Variants in TRRAP observed in about 807,000 individuals in gnomAD.
TRRAP encodes transformation/transcription domain associated protein.
A neutral mutation model predicts 438.8 loss-of-function variants in TRRAP; 41 were observed. The ratio of observed to expected loss-of-function variants is 0.09; its 90% CI spans 0.07 to 0.12. The LOEUF (loss-of-function observed/expected upper bound fraction) is 0.12. TRRAP is among the 10% of genes least tolerant of loss of function. TRRAP has a pLI of 1.00. For missense variants in TRRAP, 3,122 were observed against 5,055.1 expected, an observed-to-expected ratio of 0.62 and a Z score of 11.60; for synonymous variants, 1,994 against 1,962.9, an observed-to-expected ratio of 1.02 and a Z score of -0.42.
Position 99,005,228 on chromosome 7 carries a change from A to T in TRRAP, c.10633A>T (p.Met3545Leu). 1 of 1,614,202 alleles carries T rather than the reference A, an allele frequency of 6.2e-7. No homozygotes were observed. Among genetic ancestry groups the T allele is most frequent in the Non-Finnish European group, 8.5e-7 (1 of 1,180,036 alleles). The change falls in exon 69 of 73, where the codon ATG (methionine) becomes TTG (leucine). Residue 3545 changes from methionine (M) to leucine (L), a missense_variant. This residue lies in a region of TRRAP where 95 missense variants were observed against 144.1 expected (regional missense o/e 0.66). Coordinates refer to ENST00000456197, the MANE Select transcript of TRRAP (RefSeq NM_001375524.1). This position sits in a 1 kb window ranked among gnomAD's most constrained non-coding sequence, Gnocchi z 5.1. ...TGGCAAGATCTACCCATACCTCGTC[A>T]TGAACGACGCCTGCCTCACAGAGTC... Reference protein sequence around the residue: ...HNGKIYPYLVMNDACLTESRR... With the variant: ...HNGKIYPYLVLNDACLTESRR...
At chr7:98,917,804 T>G in intron 20 of TRRAP, 125 bp downstream of exon 20, 1 of 1,290,904 alleles carries the variant, frequency 7.7e-7, no homozygotes, top group Admixed American at 2.6e-5. Context: ...TAATTCATCT[T>G]CGTGAGTCTT....
intron 67 of TRRAP, among the ~76,000 whole-genome samples, chr7:98,995,304 A>T (rs1301248171): frequency 1.3e-5 from 2 of 148,744 alleles, no homozygotes; most frequent in Non-Finnish European, 3.0e-5. Flanking sequence ...TTAGTGAGCC[A>T]GTAGGAGACA....
intron 6 of TRRAP, among the ~76,000 whole-genome samples, chr7:98,895,417 G>C (rs1796153332): frequency 6.6e-6 from 1 of 152,162 alleles, no homozygotes; most frequent in Admixed American, 6.5e-5. Context: ...TTTCTAGGAA[G>C]GTTTCAGTGG....
At chr7:98,895,138 T>G (rs1219605195) in intron 6 of TRRAP, among the ~76,000 whole-genome samples, 1 of 152,204 alleles carries the variant, frequency 6.6e-6, no homozygotes, top group East Asian at 1.9e-4. Context: ...ACTCCTGGCC[T>G]CAAGTGATCC....
At chr7:98,881,544 C>T (rs6959104) in intron 2 of TRRAP, 4,933 of 261,448 alleles carry the variant, frequency 0.019, 235 homozygotes, top group African/African-American at 0.1. Context: ...TGCACTCCAG[C>T]CTGGGTGACA....
intron 14 of TRRAP, among the ~76,000 whole-genome samples, chr7:98,909,522 T>C (rs1796961654): frequency 6.6e-6 from 1 of 152,192 alleles, no homozygotes; most frequent in African/African-American, 2.4e-5. Flanking sequence ...GCTTGAAAGC[T>C]CTTAGCACAC....
intron 70 of TRRAP, 95 bp from the exon 71 acceptor site, chr7:99,010,957 G>C: frequency 3.1e-6 from 4 of 1,278,306 alleles, no homozygotes; most frequent in Non-Finnish European, 4.4e-6. Flanking sequence ...TTTGCTCTTG[G>C]TGCTAAGTTA....
At chr7:98,898,396 A>G (rs1164423570) in intron 8 of TRRAP, among the ~76,000 whole-genome samples, 1 of 152,184 alleles carries the variant, frequency 6.6e-6, no homozygotes, top group African/African-American at 2.4e-5. Context: ...TGTATCGTAT[A>G]TTTGTGGTGT....
Position 98,978,196 on chromosome 7 carries a change from A to G in TRRAP, c.8386-15A>G, listed in dbSNP as rs767840373. The G allele has an allele frequency of 6.9e-6, 11 of 1,602,036 alleles. No individual in the cohort carries two copies. In the East Asian group the frequency reaches 1.8e-4, roughly 26 times the overall value. ...TCTAGTTAAACAGTGATTTAAAAACATTAACTTTTTTTAGGCACAAGAATC... is the reference window on the plus strand; with the variant it reads ...TCTAGTTAAACAGTGATTTAAAAACGTTAACTTTTTTTAGGCACAAGAATC... On this transcript the variant is annotated splice_polypyrimidine_tract_variant and intron_variant, in intron 56 of 72. Transcript: ENST00000456197.
intron 45 of TRRAP, among the ~76,000 whole-genome samples, chr7:98,960,758 T>TG (rs1791852850): frequency 2.5e-5 from 2 of 81,470 alleles, no homozygotes; most frequent in African/African-American, 6.3e-5. Context: ...TGCCTGGCTT[T>TG]TTGTGTGTGT....
At chr7:98,957,398 T>C (rs1428670435) in intron 43 of TRRAP, among the ~76,000 whole-genome samples, 1 of 152,236 alleles carries the variant, frequency 6.6e-6, no homozygotes, top group Non-Finnish European at 1.5e-5. Flanking sequence ...ACGTGAGACC[T>C]CTACAGTGTT....
chr7:98,963,954 G>A (rs937095980), intron 47 of TRRAP, among the ~76,000 whole-genome samples: 10 of 151,920 alleles, frequency 6.6e-5, no homozygotes, highest in South Asian at 2.1e-4. Flanking sequence ...GGTGGCAGGT[G>A]CCTGTAATCC....
chr7:98,917,974 TAGCC>T (rs1171806341), intron 20 of TRRAP, among the ~76,000 whole-genome samples: 5 of 151,558 alleles, frequency 3.3e-5, no homozygotes, highest in Non-Finnish European at 5.9e-5. Flanking sequence ...ATACAAAAAT[TAGCC>T]AAGCATGGTG....
At chr7:98,967,360 A>G (rs1792202217) in intron 50 of TRRAP, 125 bp from the exon 51 acceptor site, 1 of 1,308,000 alleles carries the variant, frequency 7.6e-7, no homozygotes, top group Non-Finnish European at 1.1e-6. Flanking sequence ...GCCACGATTT[A>G]TAACATACTC....
chr7:98,897,303 T>C (rs1313846066), intron 7 of TRRAP, among the ~76,000 whole-genome samples: 2 of 152,148 alleles, frequency 1.3e-5, no homozygotes, highest in Non-Finnish European at 2.9e-5. Context: ...GAGTGAAAAA[T>C]TAATCAGTGG....
intron 58 of TRRAP, among the ~76,000 whole-genome samples, chr7:98,980,642 G>T (rs541513662): frequency 6.6e-6 from 1 of 152,228 alleles, no homozygotes; most frequent in South Asian, 2.1e-4. Flanking sequence ...GCAAGAAAGT[G>T]TGGCTTTAAA....
chr7:98,991,613 C>T (rs560033665), intron 64 of TRRAP, among the ~76,000 whole-genome samples: 1 of 152,338 alleles, frequency 6.6e-6, no homozygotes, highest in Non-Finnish European at 1.5e-5. Context: ...ATTCAAGTGA[C>T]ATGGTACTGT....
Position 98,978,840 on chromosome 7 carries a change from A to T in TRRAP, c.8570A>T (p.Tyr2857Phe), listed in dbSNP as rs558502122. The T allele has an allele frequency of 6.2e-7, 1 of 1,614,088 alleles. No individual in the cohort carries two copies. ...CAGTCCAAAGGCCACATCAACCCCT[A>T]CCTCGTCCTGGAGTGCGCCTGGCGG... ...YGQSKGHINP[Y>F]LVLECAWRVS... The change falls in exon 58 of 73, where the codon TAC becomes TTC. Residue 2857 changes from tyrosine to phenylalanine, a missense_variant. By Grantham distance (22) the Tyr-to-Phe change is conservative. Coordinates refer to ENST00000456197, the MANE Select transcript of TRRAP (RefSeq NM_001375524.1).
In TRRAP at chr7:98,958,122, T is replaced by C. The variant is rs781786661; in HGVS notation, c.6342+31T>C. On this transcript the variant is annotated intron_variant, in intron 44 of 72. Coordinates refer to ENST00000456197, the MANE Select transcript of TRRAP (RefSeq NM_001375524.1). Reference sequence around the variant, plus strand: ...GGATCCAAGTGCCCTGCGTTAGGGCTTCTGCAGACCAGAGGCTACTGACTA... The same window carrying C: ...GGATCCAAGTGCCCTGCGTTAGGGCCTCTGCAGACCAGAGGCTACTGACTA... 4.4e-6 allele frequency: 7 copies of C among 1,580,892 alleles called. No homozygotes were observed. In the South Asian group the frequency reaches 7.8e-5, roughly 18 times the overall value.
Sources: gnomAD v4.1 joint callset for allele counts (sites outside exome capture counted in the v4.1 genomes callset) on GRCh38, gnomAD v4.1.1 for gene constraint, gnomAD v4.1.1 regional missense constraint, Gnocchi (gnomAD v3.1) non-coding constraint, MANE v1.5 for transcripts, NCBI Gene and HGNC (gene_info 2026-07-23, HGNC 2026-07-21) for gene names.